The following PSRC1 variants were observed in gnomAD, a reference collection of about 807,000 sequenced individuals.
The protein encoded by PSRC1 is proline and serine rich coiled-coil 1, also known as proline/serine-rich coiled-coil protein 1.
PSRC1 carries 30 observed loss-of-function variants against 31.9 expected under a neutral mutation model. The ratio of observed to expected loss-of-function variants is 0.94; its 90% CI spans 0.70 to 1.28. The LOEUF (loss-of-function observed/expected upper bound fraction) is 1.28. Ranked by LOEUF, PSRC1 falls within the 50% of genes most tolerant of loss-of-function variation. The pLI, the probability that PSRC1 is intolerant of heterozygous loss-of-function variation, is 0.00. For missense variants in PSRC1, 481 were observed against 472.8 expected (o/e 1.02, Z -0.16); for synonymous variants, 191 against 192.1 (o/e 0.99, Z 0.05).
At chr1:109,281,273 A>C in intron 4 of PSRC1, 22 bp from the exon 5 acceptor site, 1 of 1,532,946 alleles carries the variant, frequency 6.5e-7, no homozygotes, top group Non-Finnish European at 8.8e-7. Flanking sequence ...AGAGAGAGAG[A>C]AAAAAGACTA....
chr1:109,280,747 G>A (rs747692414), intron 5 of PSRC1, 30 bp downstream of exon 6: 2 of 1,517,898 alleles, frequency 1.3e-6, no homozygotes, highest in African/African-American at 1.4e-5. Flanking sequence ...CGCTGGGCAA[G>A]GGCGGGCATT....
intron 1 of PSRC1, 137 bp downstream of exon 1, chr1:109,282,926 C>T: frequency 1.6e-6 from 1 of 613,232 alleles, no homozygotes; most frequent in Non-Finnish European, 2.9e-6. Context: ...CCAGATTGCC[C>T]TGGAGCCGCC....
At chr1:109,280,686 A>G in intron 5 of PSRC1, 91 bp downstream of exon 6, 1 of 1,139,414 alleles carries the variant, frequency 8.8e-7, no homozygotes, top group Non-Finnish European at 1.2e-6. Flanking sequence ...TTGAATTGCA[A>G]TAAGGATGGC....
exon 5 of PSRC1, chr1:109,280,861 G>C: frequency 1.2e-6 from 2 of 1,613,568 alleles, no homozygotes. Flanking sequence ...TCCGGAGGTA[G>C]GGCACCTCTG....
At chr1:109,281,366 A>G (rs1657085162) in intron 4 of PSRC1, 115 bp from the exon 5 acceptor site, 1 of 935,510 alleles carries the variant, frequency 1.1e-6, no homozygotes, top group Admixed American at 2.9e-5. Context: ...AAGGAAGGGT[A>G]GAAGTTAGCT....
Position 109,280,866 on chromosome 1 carries a change from C to T in PSRC1, c.905G>A (p.Gly302Asp), listed in dbSNP as rs183826417. The T allele has an allele frequency of 9.5e-4, 1,536 of 1,613,790 alleles. 16 individuals are homozygous for T. Among genetic ancestry groups the T allele is most frequent in the East Asian group, 5.1e-4 (23 of 44,866 alleles). The stretch of plus-strand genomic sequence containing the variant: ...TGACAGAGAATCCGGAGGTAGGGCA[C>T]CTCTGCCAGGTGGCACACTCCGGCT... Residue 302 changes from glycine (G) to aspartate (D), a missense_variant, in exon 5 of 7, where the codon GGT becomes GAT. By Grantham distance (94) the Gly-to-Asp change is moderately conservative. Transcript: ENST00000409138.
intron 3 of PSRC1, 114 bp from the exon 4 acceptor site, chr1:109,282,174 G>C: frequency 1.0e-6 from 1 of 975,094 alleles, no homozygotes; most frequent in Non-Finnish European, 1.5e-6. Flanking sequence ...CCTAGGCCCC[G>C]ATGCCCATGC....
exon 5 of PSRC1, chr1:109,281,108 C>G (rs1200169479): frequency 6.2e-7 from 1 of 1,613,236 alleles, no homozygotes; most frequent in African/African-American, 1.3e-5. Context: ...TCCCACTCAC[C>G]CGCAACTTGG....
At chr1:109,280,664 C>T in intron 5 of PSRC1, 113 bp downstream of exon 6, 3 of 1,013,684 alleles carry the variant, frequency 3.0e-6, no homozygotes, top group South Asian at 1.7e-5. Flanking sequence ...ACTCAGTCTC[C>T]CCATCTTCCA....
exon 4 of PSRC1, chr1:109,281,775 A>G: frequency 6.2e-7 from 1 of 1,614,044 alleles, no homozygotes. Flanking sequence ...GGACAGGACT[A>G]TCCTTCAGCA....
exon 6 of PSRC1, chr1:109,280,410 G>T (rs1467538008): frequency 6.2e-7 from 1 of 1,611,884 alleles, no homozygotes; most frequent in African/African-American, 1.3e-5. Flanking sequence ...TAGGTCCTGG[G>T]ACTGCCACTT....
At chr1:109,279,973 T>C (rs569409479) in exon 7 of PSRC1, 110 of 755,100 alleles carry the variant, frequency 1.5e-4, no homozygotes, top group African/African-American at 1.4e-3. Flanking sequence ...CTTCTCCAGC[T>C]CAATCCTAAT....
Position 109,281,954 on chromosome 1 carries a change from C to A in PSRC1, c.184G>T (p.Val62Leu), listed in dbSNP as rs116088372. ...CTGAGGGGGCCTAGGCTGAGCCTCA[C>A]ACCCTGGGGGGCAGGTGCCACTGCA... Residue 62 changes from valine to leucine, a missense_variant, in exon 4 of 7, where the codon GTG (valine) becomes TTG (leucine). Transcript: ENST00000409138. The A allele has an allele frequency of 1.1e-3, 1,730 of 1,557,786 alleles. 19 individuals carry two copies. The African/African-American group carries it at 0.021, about 19-fold the overall frequency.
intron 3 of PSRC1, 136 bp from the exon 4 acceptor site, chr1:109,282,196 T>A (rs1274680413): frequency 5.0e-6 from 4 of 802,142 alleles, no homozygotes; most frequent in Non-Finnish European, 7.6e-6. Context: ...GGCTGTGAGA[T>A]GTGGCCTCTG....
chr1:109,280,410 G>A (rs1467538008), exon 6 of PSRC1: 1 of 1,612,002 alleles, frequency 6.2e-7, no homozygotes, highest in African/African-American at 1.3e-5. Context: ...TAGGTCCTGG[G>A]ACTGCCACTT....
At chr1:109,283,021 A>G in intron 1 of PSRC1, 42 bp downstream of exon 1, 1 of 483,958 alleles carries the variant, frequency 2.1e-6, no homozygotes, top group Admixed American at 3.7e-5. Context: ...TGCACTCCCC[A>G]AGCCACCTTT....
chr1:109,283,129 AC>A (rs1228127694), exon 1 of PSRC1: 3 of 218,742 alleles, frequency 1.4e-5, no homozygotes, highest in Admixed American at 5.4e-5. Flanking sequence ...TTCTCCCGCA[AC>A]CTAGTCCCGG....
At chr1:109,280,727 G>A (rs1243611676) in intron 5 of PSRC1, 50 bp downstream of exon 6, 1 of 1,441,136 alleles carries the variant, frequency 6.9e-7, no homozygotes, top group Non-Finnish European at 9.4e-7. Flanking sequence ...GCTCTGGGAG[G>A]GTGAGGACAC....
Position 109,281,124 on chromosome 1 carries a change from C to T in PSRC1, c.647G>A (p.Arg216Lys), listed in dbSNP as rs373785514. 6.2e-7 allele frequency: 1 copy of T among 1,613,416 alleles called. No individual in the cohort carries two copies. ...CCCACTCACCCGCAACTTGGCTGCT[C>T]TGGTCTCCTCACTGGCTGCTGCTCT... The change falls in exon 5 of 7, where the codon AGA becomes AAA. Residue 216 changes from arginine to lysine, a missense_variant. Arg to Lys is a conservative substitution (Grantham distance 26, BLOSUM62 2). Coordinates refer to ENST00000409138, the Ensembl canonical transcript of PSRC1.
Sources: gnomAD v4.1 joint callset for allele counts on GRCh38, gnomAD v4.1.1 for gene constraint, MANE v1.5 for transcripts, NCBI Gene and HGNC (gene_info 2026-07-23, HGNC 2026-07-21) for gene names.